Variants in ANKRD26 observed in about 807,000 individuals in gnomAD.
ANKRD26 encodes ankyrin repeat domain 26, also known as ankyrin repeat domain-containing protein 26.
In ANKRD26, 141 loss-of-function variants were observed where a neutral mutation model predicts 208.7. That is an observed-to-expected ratio of 0.68 (90% CI 0.59 to 0.78). ANKRD26 has a LOEUF of 0.78. Among genes scored for constraint, ANKRD26 ranks in the 30% least tolerant of loss-of-function variants. ANKRD26 has a pLI of 0.00. For synonymous variants in ANKRD26, 636 were observed against 660.4 expected (o/e 0.96, Z 0.57); for missense variants, 1,889 against 1,938.7 (o/e 0.97, Z 0.48).
At position 27,093,731 on chromosome 10, in the gene ANKRD26, C is replaced by A; in HGVS notation, c.311G>T (p.Cys104Phe). The change falls in exon 2 of 34, where the codon TGC becomes TTC. Residue 104 changes from cysteine (C) to phenylalanine (F), a missense_variant. Cys to Phe is a radical substitution (Grantham distance 205). Around this residue, in one of 3 missense-constraint regions of ANKRD26, gnomAD observed 1,272 missense variants for 1,273.8 expected, o/e 1.00. Transcript: ENST00000376087. Reference sequence around the variant, plus strand: ...TTCGTTGTCACAGACATTGAGCTGGCATTTTCTGTCCACCAGGAGAGTTAC... The same window carrying A: ...TTCGTTGTCACAGACATTGAGCTGGAATTTTCTGTCCACCAGGAGAGTTAC... ...EVVTLLVDRK[C>F]QLNVCDNENR... 6.2e-7 allele frequency: 1 copy of A among 1,614,230 alleles called. No homozygotes were observed. The highest frequency in any genetic ancestry group is 8.5e-7 in the Non-Finnish European group (1 of 1,180,054).
At chr10:27,050,080 TGTG>T (rs1462032332) in intron 16 of ANKRD26, among the ~76,000 whole-genome samples, 1 of 149,314 alleles carries the variant, frequency 6.7e-6, no homozygotes, top group Non-Finnish European at 1.5e-5. Context: ...ATTAGCCGGG[TGTG>T]GTGGTGGGCG....
chr10:27,022,506 T>TATA, intron 29 of ANKRD26, 52 bp downstream of exon 29: 4 of 1,375,500 alleles, frequency 2.9e-6, no homozygotes, highest in Non-Finnish European at 4.0e-6. Flanking sequence ...GAGAAGTCTA[T>TATA]ATTTCCCAAA....
intron 6 of ANKRD26, among the ~76,000 whole-genome samples, 168 bp from the exon 7 acceptor site, chr10:27,079,329 T>A (rs1339138735): frequency 6.6e-6 from 1 of 152,234 alleles, no homozygotes; most frequent in Non-Finnish European, 1.5e-5. Flanking sequence ...TAAAATTTGA[T>A]CTTGTTTTTG....
At chr10:27,032,151 AAAT>A (rs1276964083) in intron 25 of ANKRD26, among the ~76,000 whole-genome samples, 2 of 152,212 alleles carry the variant, frequency 1.3e-5, no homozygotes, top group African/African-American at 4.8e-5. Flanking sequence ...TCCTAAGACT[AAAT>A]ATTATTTTTA....
At chr10:26,973,649 C>CTTTTTTT (rs71386903), downstream of ANKRD26, among the ~76,000 whole-genome samples, 920 of 88,376 alleles carry the variant, frequency 0.01, 12 homozygotes, top group East Asian at 0.016. Context: ...TTTATTTGTC[C>CTTTTTTT]TTTTTTTTTT....
downstream of ANKRD26, among the ~76,000 whole-genome samples, chr10:26,991,634 G>T (rs1302648228): frequency 2.6e-5 from 4 of 152,126 alleles, no homozygotes; most frequent in African/African-American, 9.7e-5. Context: ...TAAAGACGAG[G>T]TTCTCCTTTT....
intron 4 of ANKRD26, among the ~76,000 whole-genome samples, chr10:27,090,495 C>T (rs778809441): frequency 6.6e-6 from 1 of 152,120 alleles, no homozygotes; most frequent in Non-Finnish European, 1.5e-5. Context: ...AATTTAGTAT[C>T]TTGCCTGTCT....
rs948317750 is a variant in ANKRD26, at chr10:27,030,034, T to C, written c.3808-678A>G. 4.6e-5 allele frequency among the ~76,000 whole-genome samples: 7 copies of C among 152,328 alleles called. No individual in the cohort carries two copies. In the South Asian group the frequency reaches 6.2e-4, roughly 14 times the overall value. On this transcript the variant is annotated intron_variant, in intron 25 of 33. Transcript: ENST00000376087. ...TAAGAAGATTCAGTCAAGGAATATA[T>C]ACATAAAGTACTTAGATGAGTACAT... is the stretch of plus-strand genomic sequence containing the variant.
intron 4 of ANKRD26, chr10:26,995,198 T>C (rs970299013): frequency 8.5e-6 from 4 of 470,730 alleles, no homozygotes; most frequent in African/African-American, 8.0e-5. Flanking sequence ...ATGATAATAT[T>C]TGGAGATAAA....
downstream of ANKRD26, among the ~76,000 whole-genome samples, chr10:27,000,849 C>T (rs2052706483): frequency 6.6e-6 from 1 of 151,908 alleles, no homozygotes; most frequent in Admixed American, 6.6e-5. Flanking sequence ...ACTAAAAATG[C>T]AAAATCAAAA....
At chr10:27,066,355 C>A in intron 11 of ANKRD26, 132 bp downstream of exon 11, 1 of 578,114 alleles carries the variant, frequency 1.7e-6, no homozygotes, top group Non-Finnish European at 3.0e-6. Flanking sequence ...TAATTATGAA[C>A]TGAAAAATAT....
rs1285869044 is a variant in ANKRD26, at chr10:27,005,560, A to T, written c.*30T>A. 6.3e-7 allele frequency: 1 copy of T among 1,597,388 alleles called. No homozygotes were observed. The highest frequency in any genetic ancestry group is 1.7e-5 in the Admixed American group (1 of 59,710). ...TATTTAATGAGAAACAAAATGTCAC[A>T]TAAACAGCCCAGTAATAAAATCTTA... On this transcript the variant is annotated 3_prime_UTR_variant, in exon 34 of 34. Coordinates refer to ENST00000376087, the MANE Select transcript of ANKRD26 (RefSeq NM_014915.3).
In ANKRD26 at chr10:27,017,737, T is replaced by A. The variant is rs560228865; in HGVS notation, c.4271A>T (p.Asp1424Val). 4.3e-6 allele frequency: 7 copies of A among 1,613,312 alleles called. No individual in the cohort carries two copies. In the Admixed American group the frequency reaches 1.0e-4, roughly 23 times the overall value. The change falls in exon 30 of 34, where the codon GAT (aspartate) becomes GTT (valine). Residue 1424 changes from aspartate (D) to valine (V), a missense_variant. Coordinates refer to ENST00000376087, the MANE Select transcript of ANKRD26 (RefSeq NM_014915.3). Reference protein sequence around the residue: ...ETAGSKCLHLDTKNQILQEEL... With the variant: ...ETAGSKCLHLVTKNQILQEEL... ...CTCTTGAAGAATTTGGTTCTTTGTA[T>A]CCAGATGTAGACATTTTGAACCTGC... is the stretch of plus-strand genomic sequence containing the variant.
At chr10:27,089,527 C>CA (rs2056227488) in intron 4 of ANKRD26, among the ~76,000 whole-genome samples, 1 of 152,236 alleles carries the variant, frequency 6.6e-6, no homozygotes, top group Non-Finnish European at 1.5e-5. Context: ...CACAGTGGCT[C>CA]ATGCCTATAA....
Position 27,093,358 on chromosome 10 carries a change from T to C in ANKRD26, c.522A>G (p.Ala174=). ...GTTGGTTGATCTATACCTTGTTTTT[T>C]GCTTCAATATTTGCATCATACAAAA... is the stretch of plus-strand genomic sequence containing the variant. ...KLLLYDANIE[A]KNKDDLTPLL... Residue 174 remains alanine, a synonymous_variant, in exon 3 of 34, where the codon GCA becomes GCG. Coordinates refer to ENST00000376087, the MANE Select transcript of ANKRD26 (RefSeq NM_014915.3). The C allele has an allele frequency of 6.2e-7, 1 of 1,613,982 alleles. No individual in the cohort carries two copies. The highest frequency in any genetic ancestry group is 1.3e-5 in the African/African-American group (1 of 75,070).
intron 4 of ANKRD26, among the ~76,000 whole-genome samples, chr10:26,997,557 G>T (rs540300558): frequency 6.6e-6 from 1 of 152,242 alleles, no homozygotes; most frequent in East Asian, 1.9e-4. Flanking sequence ...AGTCCTCTGA[G>T]GCGGTTTAAC....
intron 9 of ANKRD26, among the ~76,000 whole-genome samples, chr10:27,072,019 G>A (rs1357166453): frequency 6.6e-6 from 1 of 152,226 alleles, no homozygotes; most frequent in Non-Finnish European, 1.5e-5. Flanking sequence ...CCAAATGAGA[G>A]CTGCCATATC....
In ANKRD26 at chr10:27,038,031, T is replaced by C; in HGVS notation, c.2399A>G (p.Glu800Gly). ...SLRFSLNQEE[E>G]KRRNADTLYE... Reference sequence around the variant, plus strand: ...CAACGTATCAGCATTTCTTCTCTTCTCTTCTTCTTGGTTTAAGCTAAATCT... The same window carrying C: ...CAACGTATCAGCATTTCTTCTCTTCCCTTCTTCTTGGTTTAAGCTAAATCT... The change falls in exon 22 of 34, where the codon GAG (glutamate) becomes GGG (glycine). Residue 800 changes from glutamate (E) to glycine (G), a missense_variant. Coordinates refer to ENST00000376087, the MANE Select transcript of ANKRD26 (RefSeq NM_014915.3). 6.2e-7 allele frequency: 1 copy of C among 1,610,694 alleles called. No individual in the cohort carries two copies. The highest frequency in any genetic ancestry group is 8.5e-7 in the Non-Finnish European group (1 of 1,179,512).
chr10:27,092,231 T>A (rs2056322969), intron 4 of ANKRD26, among the ~76,000 whole-genome samples, 175 bp downstream of exon 4: 1 of 152,072 alleles, frequency 6.6e-6, no homozygotes, highest in Non-Finnish European at 1.5e-5. Context: ...TCCCCATAAT[T>A]ATGTTAACCT....
Sources: allele counts gnomAD v4.1 joint callset (sites outside exome capture counted in the v4.1 genomes callset), GRCh38; gene constraint gnomAD v4.1.1; regional missense constraint gnomAD v4.1.1; transcripts MANE v1.5; gene names NCBI Gene and HGNC (gene_info 2026-07-23, HGNC 2026-07-21).